FBXL20: variants seen among roughly 807,000 people sequenced by gnomAD.
The protein encoded by FBXL20 is F-box and leucine rich repeat protein 20, also known as F-box/LRR-repeat protein 20.
A neutral mutation model predicts 64.0 loss-of-function variants in FBXL20; 11 were observed. The observed-to-expected ratio is 0.17, with a 90% CI of 0.11 to 0.28. The LOEUF (loss-of-function observed/expected upper bound fraction) is 0.28, where lower values mean the gene tolerates loss of function less well. Among genes scored for constraint, FBXL20 ranks in the 10% least tolerant of loss-of-function variants. The probability of loss-of-function intolerance (pLI) is 1.00; values close to 1 mark genes in which losing one functional copy is unlikely to be tolerated. For missense variants in FBXL20, 303 were observed against 526.2 expected, an observed-to-expected ratio of 0.58 and a Z score of 4.15; for synonymous variants, 184 against 189.0, an observed-to-expected ratio of 0.97 and a Z score of 0.22.
At position 39,275,317 on chromosome 17, in the gene FBXL20, A is replaced by C. The variant is rs550193911; in HGVS notation, c.697-217T>G. On this transcript the variant is annotated intron_variant, in intron 9 of 14. Transcript: ENST00000264658. The stretch of plus-strand genomic sequence containing the variant: ...TGGTGCAAAGGGAAGAAGCTATAAT[A>C]GAATCCTGTTGAAAGCTACAATGGA... 2.0e-5 allele frequency among the ~76,000 whole-genome samples: 3 copies of C among 152,356 alleles called. No homozygotes were observed. The East Asian group carries it at 5.8e-4, about 29-fold the overall frequency.
At chr17:39,353,164 G>A (rs1470650463) in intron 1 of FBXL20, among the ~76,000 whole-genome samples, 1 of 152,172 alleles carries the variant, frequency 6.6e-6, no homozygotes, top group Non-Finnish European at 1.5e-5. Flanking sequence ...TGGACTTTAT[G>A]AGAGAAAATA....
At chr17:39,272,694 T>G (rs1423095998) in intron 10 of FBXL20, among the ~76,000 whole-genome samples, 3 of 70,936 alleles carry the variant, frequency 4.2e-5, no homozygotes, top group Non-Finnish European at 7.4e-5. Flanking sequence ...AGAGCCAAAC[T>G]CTATCTCAAA....
intron 2 of FBXL20, among the ~76,000 whole-genome samples, chr17:39,342,716 C>CA (rs1447886063): frequency 6.6e-6 from 1 of 151,122 alleles, no homozygotes; most frequent in Non-Finnish European, 1.5e-5. Context: ...GACCCCGTCT[C>CA]AAAAAAACAA....
chr17:39,295,807 T>TATATATATATATATATATATATATA (rs1567867921), intron 6 of FBXL20, among the ~76,000 whole-genome samples: 2 of 126,566 alleles, frequency 1.6e-5, no homozygotes, highest in African/African-American at 6.2e-5. Flanking sequence ...ATATATATAT[T>TATATATATATATATATATATATATA]AAGTCTTCTG....
chr17:39,268,306 T>A (rs959036995), intron 12 of FBXL20, among the ~76,000 whole-genome samples: 1 of 151,980 alleles, frequency 6.6e-6, no homozygotes, highest in African/African-American at 2.4e-5. Flanking sequence ...TGAGCTGAGA[T>A]CTCGCCACTG....
chr17:39,331,770 G>C (rs1391116517), intron 2 of FBXL20, among the ~76,000 whole-genome samples: 1 of 152,170 alleles, frequency 6.6e-6, no homozygotes, highest in African/African-American at 2.4e-5. Flanking sequence ...ATCCCACATA[G>C]AGAAACTCTC....
intron 2 of FBXL20, among the ~76,000 whole-genome samples, chr17:39,339,789 G>A (rs535284686): frequency 5.4e-5 from 8 of 149,422 alleles, no homozygotes; most frequent in African/African-American, 9.9e-5. Context: ...GACTACAGGC[G>A]CGCACCACCA....
intron 2 of FBXL20, among the ~76,000 whole-genome samples, chr17:39,326,093 G>A (rs922822107): frequency 2.0e-5 from 3 of 151,834 alleles, no homozygotes; most frequent in African/African-American, 7.3e-5. Flanking sequence ...TTCCTCTCTT[G>A]CCATGTGATA....
At chr17:39,333,918 C>G (rs534792163) in intron 2 of FBXL20, among the ~76,000 whole-genome samples, 2 of 151,974 alleles carry the variant, frequency 1.3e-5, no homozygotes, top group Non-Finnish European at 2.9e-5. Context: ...GCAGCCACCC[C>G]GTCTGGGAAG....
At chr17:39,351,030 T>C (rs1490708854) in intron 1 of FBXL20, among the ~76,000 whole-genome samples, 2 of 151,964 alleles carry the variant, frequency 1.3e-5, no homozygotes, top group Admixed American at 6.6e-5. Context: ...GACACAGCAA[T>C]AGACATTAGA....
In FBXL20 at chr17:39,373,439, T is replaced by C. The variant is rs112924867; in HGVS notation, c.42+27922A>G. On this transcript the variant is annotated intron_variant, in intron 1 of 14. Coordinates refer to ENST00000264658, the MANE Select transcript of FBXL20 (RefSeq NM_032875.3). ...CTTAGAACTGCGGGCTGGGGATGTCTATCTGATAGACTTCAGTTAACAGAT... is the reference window on the plus strand; with the variant it reads ...CTTAGAACTGCGGGCTGGGGATGTCCATCTGATAGACTTCAGTTAACAGAT... Among the ~76,000 whole-genome samples, 21 of 152,296 alleles carry C rather than the reference T, an allele frequency of 1.4e-4. 1 individual carries two copies. The highest frequency in any genetic ancestry group is 5.1e-4 in the African/African-American group (21 of 41,574).
chr17:39,258,407 G>A lies in FBXL20; in HGVS notation c.*3053C>T, dbSNP rs2046713712. ...TCCTTCCAAGCTTGATAGGCCTGAA[G>A]TTTTCTTGAGAAAGGAACAAGGCTT... On this transcript the variant is annotated 3_prime_UTR_variant, in exon 15 of 15. Transcript: ENST00000264658. The A allele has an allele frequency of 6.6e-6, 1 of 152,168 alleles. No homozygotes were observed. Among genetic ancestry groups the A allele is most frequent in the South Asian group, 2.1e-4 (1 of 4,826 alleles). The allele number at this position is 152,168 out of a possible 1,614,324, so 9.4% of individuals were successfully genotyped here.
At chr17:39,342,487 A>T (rs1026117959) in intron 2 of FBXL20, among the ~76,000 whole-genome samples, 2 of 152,084 alleles carry the variant, frequency 1.3e-5, no homozygotes, top group African/African-American at 2.4e-5. Flanking sequence ...AGGCCAAAGT[A>T]GGCAGATCAC....
At chr17:39,398,570 C>T (rs2048209651) in intron 1 of FBXL20, among the ~76,000 whole-genome samples, 1 of 152,174 alleles carries the variant, frequency 6.6e-6, no homozygotes. Flanking sequence ...TGAATTTTCA[C>T]ATCTCTTGAT....
intron 1 of FBXL20, among the ~76,000 whole-genome samples, chr17:39,363,177 AT>A (rs1306281831): frequency 6.6e-6 from 1 of 150,634 alleles, no homozygotes; most frequent in Admixed American, 6.6e-5. Flanking sequence ...CACCCAGCTA[AT>A]TTTTTTTGTA....
At chr17:39,301,185 A>G in intron 3 of FBXL20, 110 bp from the exon 4 acceptor site, 1 of 884,142 alleles carries the variant, frequency 1.1e-6, no homozygotes, top group South Asian at 1.5e-5. Context: ...GGATCCAAAA[A>G]TTTATCAGGC....
At chr17:39,362,543 G>A (rs1300902635) in intron 1 of FBXL20, among the ~76,000 whole-genome samples, 12 of 148,740 alleles carry the variant, frequency 8.1e-5, no homozygotes, top group Admixed American at 7.4e-4. Context: ...GGCTGGTCTC[G>A]AACTCCCGAC....
At chr17:39,314,157 G>A (rs34170152) in intron 2 of FBXL20, among the ~76,000 whole-genome samples, 7,894 of 152,018 alleles carry the variant, frequency 0.052, 667 homozygotes, top group African/African-American at 0.18. Flanking sequence ...TGCCTATTCC[G>A]CACATTTCAT....
Position 39,282,864 on chromosome 17 carries a change from A to T in FBXL20, c.495-9T>A, listed in dbSNP as rs765483328. ...ACAGTGGACATCCCTCACTTAGGATAAAACAAAATAAGAGAAACATATCAC... is the reference window on the plus strand; with the variant it reads ...ACAGTGGACATCCCTCACTTAGGATTAAACAAAATAAGAGAAACATATCAC... On this transcript the variant is annotated splice_polypyrimidine_tract_variant and intron_variant, in intron 7 of 14. Transcript: ENST00000264658. 1 of 1,614,044 alleles carries T rather than the reference A, an allele frequency of 6.2e-7. No homozygotes were observed. The highest frequency in any genetic ancestry group is 8.5e-7 in the Non-Finnish European group (1 of 1,179,944).
Sources: allele counts gnomAD v4.1 joint callset (sites outside exome capture counted in the v4.1 genomes callset), GRCh38; gene constraint gnomAD v4.1.1; transcripts MANE v1.5; gene names NCBI Gene and HGNC (gene_info 2026-07-23, HGNC 2026-07-21).